The following LYST variants were observed in gnomAD, a reference collection of about 807,000 sequenced individuals.
LYST encodes the protein lysosomal trafficking regulator, also known as lysosomal-trafficking regulator.
A neutral mutation model predicts 413.6 loss-of-function variants in LYST; 192 were observed. That is an observed-to-expected ratio of 0.46 (90% CI 0.41 to 0.52). The LOEUF is 0.52. Ranked by LOEUF, LYST falls within the 20% of genes least tolerant of loss-of-function variation. LYST has a pLI of 0.00. For missense variants in LYST, 3,815 were observed against 4,499.9 expected (o/e 0.85, Z 4.35); for synonymous variants, 1,525 against 1,567.3 (o/e 0.97, Z 0.64).
chr1:235,738,724 T>G, intron 31 of LYST: 1 of 1,530,258 alleles, frequency 6.5e-7, no homozygotes, highest in South Asian at 1.1e-5. Context: ...TACGAGGTGA[T>G]CAAACTCAAA....
At chr1:235,797,564 C>T (rs1671683805) in intron 10 of LYST, among the ~76,000 whole-genome samples, 1 of 152,058 alleles carries the variant, frequency 6.6e-6, no homozygotes, top group Non-Finnish European at 1.5e-5. Context: ...ATTGGATATT[C>T]ACACGCAAAA....
chr1:235,698,262 C>A (rs1661256123), intron 45 of LYST, among the ~76,000 whole-genome samples: 2 of 151,640 alleles, frequency 1.3e-5, no homozygotes. Flanking sequence ...TGTAAAAAAC[C>A]TGATTTTTAG....
intron 39 of LYST, among the ~76,000 whole-genome samples, chr1:235,722,655 T>A (rs1330271470): frequency 6.6e-6 from 1 of 152,076 alleles, no homozygotes; most frequent in Admixed American, 6.5e-5. Context: ...CCCGCTAATT[T>A]TTGTATTTTT....
At chr1:235,767,902 C>T (rs1668298123) in intron 20 of LYST, among the ~76,000 whole-genome samples, 1 of 152,080 alleles carries the variant, frequency 6.6e-6, no homozygotes, top group African/African-American at 2.4e-5. Context: ...GTATCATCTT[C>T]TTCTCTACAT....
chr1:235,691,749 C>T (rs1390966412), intron 47 of LYST, among the ~76,000 whole-genome samples: 4 of 136,540 alleles, frequency 2.9e-5, no homozygotes, highest in African/African-American at 8.6e-5. Flanking sequence ...GATGCTGGAG[C>T]GCAATGGCAC....
intron 26 of LYST, 84 bp from the exon 27 acceptor site, chr1:235,752,255 G>T: frequency 1.9e-6 from 2 of 1,032,582 alleles, no homozygotes; most frequent in Non-Finnish European, 3.0e-6. Context: ...TGATTTAAAT[G>T]GTTTAAATTC....
At chr1:235,722,004 A>G (rs928648306) in intron 39 of LYST, among the ~76,000 whole-genome samples, 7 of 152,188 alleles carry the variant, frequency 4.6e-5, no homozygotes, top group African/African-American at 9.7e-5. Flanking sequence ...GCTACTTTAT[A>G]GAGTCAGGGA....
At chr1:235,788,119 G>A (rs994386460) in intron 13 of LYST, among the ~76,000 whole-genome samples, 3 of 151,900 alleles carry the variant, frequency 2.0e-5, no homozygotes, top group African/African-American at 7.3e-5. Context: ...ATCAAACAGA[G>A]AATTAATGTA....
chr1:235,757,097 TA>T (rs1667118144), intron 24 of LYST, among the ~76,000 whole-genome samples, 183 bp downstream of exon 24: 2 of 152,058 alleles, frequency 1.3e-5, no homozygotes, highest in Non-Finnish European at 2.9e-5. Flanking sequence ...CCTGTATCCC[TA>T]AAGCTATCAA....
At chr1:235,713,598 C>A (rs1312578368) in intron 42 of LYST, among the ~76,000 whole-genome samples, 1 of 152,202 alleles carries the variant, frequency 6.6e-6, no homozygotes, top group Non-Finnish European at 1.5e-5. Flanking sequence ...TTGATTCTCA[C>A]AACTGGGGGG....
chr1:235,708,478 T>G (rs1572042292), intron 44 of LYST, among the ~76,000 whole-genome samples: 1 of 152,096 alleles, frequency 6.6e-6, no homozygotes, highest in South Asian at 2.1e-4. Flanking sequence ...TCAGGAGAGG[T>G]CCTACCATTC....
chr1:235,669,891 C>T (rs1658792339), intron 50 of LYST, among the ~76,000 whole-genome samples: 1 of 152,206 alleles, frequency 6.6e-6, no homozygotes, highest in Admixed American at 6.5e-5. Context: ...ACACCCTCTA[C>T]CAGTGACACT....
At chr1:235,751,923 TAAG>T in intron 27 of LYST, 79 bp downstream of exon 27, 1 of 979,216 alleles carries the variant, frequency 1.0e-6, no homozygotes. Flanking sequence ...AAAGAGTTTC[TAAG>T]AAGAAAGAGA....
intron 12 of LYST, 116 bp from the exon 13 acceptor site, chr1:235,788,961 G>T: frequency 1.1e-6 from 1 of 904,308 alleles, no homozygotes; most frequent in Non-Finnish European, 1.8e-6. Flanking sequence ...TATCTACCCA[G>T]AATGTCTGAG....
chr1:235,809,389 T>C lies in LYST; in HGVS notation c.1429A>G (p.Met477Val). ...EHLKALINSV[M>V]KIMSTVKKVK... ...TTTTTGACAGTGCTCATTATTTTCA[T>C]CACACTATTTATTAGGGCTTTCAAA... Residue 477 changes from methionine (M) to valine (V), a missense_variant, in exon 5 of 53, where the codon ATG becomes GTG. Met to Val is a conservative substitution (Grantham distance 21). Coordinates refer to ENST00000389793, the MANE Select transcript of LYST (RefSeq NM_000081.4). This position sits in a 1 kb window ranked among gnomAD's most constrained non-coding sequence, Gnocchi z 4.0. The C allele has an allele frequency of 6.2e-7, 1 of 1,613,976 alleles. No individual in the cohort carries two copies.
rs1390887846 is a variant in LYST at position 235,744,146 on chromosome 1, C to T, written c.7984G>A (p.Asp2662Asn). The stretch of plus-strand genomic sequence containing the variant: ...GGAGTTCTCAAAATGTCAATAATGT[C>T]TGAATTAAATTCTTTGAATTGAAAA... Reference protein sequence around the residue: ...NRIIYQEFNSDIIDILRTPEN... With the variant: ...NRIIYQEFNSNIIDILRTPEN... The change falls in exon 30 of 53, where the codon GAC becomes AAC. Residue 2662 changes from aspartate (D) to asparagine (N), a missense_variant. Physicochemically the swap from Asp to Asn is conservative, Grantham distance 23. Around this residue, in one of 4 missense-constraint regions of LYST, gnomAD observed 771 missense variants for 837.1 expected, o/e 0.92. Coordinates refer to ENST00000389793, the MANE Select transcript of LYST (RefSeq NM_000081.4). 7.0e-6 allele frequency: 11 copies of T among 1,575,016 alleles called. No homozygotes were observed. The highest frequency in any genetic ancestry group is 9.6e-6 in the Non-Finnish European group (11 of 1,144,938).
intron 4 of LYST, 61 bp from the exon 5 acceptor site, chr1:235,810,595 G>A: frequency 2.8e-6 from 4 of 1,423,130 alleles, no homozygotes; most frequent in Non-Finnish European, 3.9e-6. Context: ...TCAATTTTAA[G>A]GTGACAGCCC....
At chr1:235,703,568 A>T (rs1047123024) in intron 44 of LYST, among the ~76,000 whole-genome samples, 5 of 152,242 alleles carry the variant, frequency 3.3e-5, no homozygotes, top group Non-Finnish European at 7.3e-5. Flanking sequence ...CAGATCAGCC[A>T]TATTTTGTAC....
At chr1:235,749,859 C>CTA (rs1558186436) in intron 28 of LYST, among the ~76,000 whole-genome samples, 1 of 151,846 alleles carries the variant, frequency 6.6e-6, no homozygotes, top group African/African-American at 2.4e-5. Context: ...AAGAGAGAGA[C>CTA]TAAAGACTGC....
Sources: allele counts gnomAD v4.1 joint callset (sites outside exome capture counted in the v4.1 genomes callset), GRCh38; gene constraint gnomAD v4.1.1; regional missense constraint gnomAD v4.1.1; non-coding constraint Gnocchi (gnomAD v3.1); transcripts MANE v1.5; gene names NCBI Gene and HGNC (gene_info 2026-07-23, HGNC 2026-07-21).